Variants in POGLUT2 observed in about 807,000 individuals in gnomAD.
The protein encoded by POGLUT2 is protein O-glucosyltransferase 2.
In POGLUT2, 47 loss-of-function variants were observed where a neutral mutation model predicts 57.6. The ratio of observed to expected loss-of-function variants is 0.82; its 90% CI spans 0.65 to 1.04. The LOEUF (loss-of-function observed/expected upper bound fraction) is 1.04, where lower values mean the gene tolerates loss of function less well. POGLUT2 is among the 50% of genes least tolerant of loss of function. POGLUT2 has a pLI of 0.00. For missense variants in POGLUT2, 565 were observed against 614.8 expected (o/e 0.92, Z 0.86); for synonymous variants, 200 against 218.8 (o/e 0.91, Z 0.76).
At position 102,791,315 on chromosome 13, in the gene POGLUT2, T is replaced by C. The variant is rs141519999; in HGVS notation, c.788A>G (p.Lys263Arg). 2.0e-3 allele frequency: 3,271 copies of C among 1,610,920 alleles called. 18 individuals are homozygous for C. The highest frequency in any genetic ancestry group is 0.01 in the South Asian group (920 of 90,276). ...IFSWCGSTDS[K>R]DIVMPTYDLT... ...ATCGTACGTAGGCATCACGATATCCTTGGAATCTGTGGAGCCACACCAGGA... is the reference window on the plus strand; with the variant it reads ...ATCGTACGTAGGCATCACGATATCCCTGGAATCTGTGGAGCCACACCAGGA... Residue 263 changes from lysine (K) to arginine (R), a missense_variant, in exon 5 of 10, where the codon AAG (lysine) becomes AGG (arginine). By Grantham distance (26) the Lys-to-Arg change is conservative (BLOSUM62 2). Coordinates refer to ENST00000376004, the MANE Select transcript of POGLUT2 (RefSeq NM_024089.3).
chr13:102,795,761 G>C (rs570926435), intron 2 of POGLUT2, among the ~76,000 whole-genome samples: 26 of 152,130 alleles, frequency 1.7e-4, no homozygotes. Context: ...GTACCAGGCT[G>C]TACTGGCAGA....
intron 8 of POGLUT2, 99 bp downstream of exon 8, chr13:102,787,735 C>G (rs1019271251): frequency 1.7e-6 from 1 of 572,580 alleles, no homozygotes; most frequent in African/African-American, 1.9e-5. Flanking sequence ...ATATATCTCC[C>G]TATAGTAACA....
chr13:102,798,908 G>A lies in POGLUT2; in HGVS notation c.-238C>T. 2.1e-6 allele frequency: 1 copy of A among 474,674 alleles called. No homozygotes were observed. The allele number at this position is 474,674 out of a possible 1,614,324, so 29.4% of individuals were successfully genotyped here. A position where few individuals can be genotyped will look rare whatever the true frequency, so the allele number is the denominator to read the frequency against. On this transcript the variant is annotated 5_prime_UTR_variant, in exon 1 of 10. Transcript: ENST00000376004. Reference sequence around the variant, plus strand: ...CCTGGCGTTCTGCTGTCCCGGCCGAGAACCGCGCTGCTCCTCTCTCTCAGG... The same window carrying A: ...CCTGGCGTTCTGCTGTCCCGGCCGAAAACCGCGCTGCTCCTCTCTCTCAGG...
intron 1 of POGLUT2, among the ~76,000 whole-genome samples, chr13:102,797,780 AAGT>A (rs1878479998): frequency 6.6e-6 from 1 of 152,132 alleles, no homozygotes; most frequent in Non-Finnish European, 1.5e-5. Flanking sequence ...GGCAAAAGCA[AAGT>A]AGTAGGTAGT....
In POGLUT2 at chr13:102,796,833, T is replaced by C. The variant is rs1479675976; in HGVS notation, c.359A>G (p.His120Arg). 2 of 1,602,882 alleles carry C rather than the reference T, an allele frequency of 1.2e-6. No homozygotes were observed. Among genetic ancestry groups the C allele is most frequent in the Non-Finnish European group, 8.5e-7 (1 of 1,170,400 alleles). The part of the protein sequence containing the change: ...LKVEIKFQGQ[H>R]VAKSPYILKG... The stretch of plus-strand genomic sequence containing the variant: ...TAAAATATATGGGGATTTGGCCACA[T>C]GTTGCCCTTGGAATTTAATTTCCAC... Residue 120 changes from histidine (H) to arginine (R), a missense_variant, in exon 2 of 10, where the codon CAT (histidine) becomes CGT (arginine). Coordinates refer to ENST00000376004, the MANE Select transcript of POGLUT2 (RefSeq NM_024089.3).
chr13:102,793,503 G>C lies in POGLUT2; in HGVS notation c.595-85C>G. The C allele has an allele frequency of 2.3e-6, 3 of 1,327,668 alleles. No homozygotes were observed. The South Asian group carries it at 3.6e-5, about 16-fold the overall frequency. 82.2% of individuals were successfully genotyped at this position (1,327,668 alleles called of 1,614,324 possible). Reference sequence around the variant, plus strand: ...GAAAAGCTTGTCACAGTGCTCATTCGAATGATGTTTATAAAATGATTTAGC... The same window carrying C: ...GAAAAGCTTGTCACAGTGCTCATTCCAATGATGTTTATAAAATGATTTAGC... On this transcript the variant is annotated intron_variant, in intron 3 of 9. Transcript: ENST00000376004.
At chr13:102,791,927 C>T in intron 4 of POGLUT2, 2 of 1,123,286 alleles carry the variant, frequency 1.8e-6, no homozygotes, top group East Asian at 5.8e-5. Context: ...TTTATCTAGT[C>T]ACAGAAAATG....
chr13:102,794,665 CA>C (rs1353695795), intron 2 of POGLUT2, among the ~76,000 whole-genome samples: 4 of 151,792 alleles, frequency 2.6e-5, no homozygotes, highest in Admixed American at 6.6e-5. Flanking sequence ...ACTCTTGTTT[CA>C]AAAAATAAAA....
chr13:102,786,901 G>C (rs1380392781), intron 8 of POGLUT2, among the ~76,000 whole-genome samples: 1 of 152,130 alleles, frequency 6.6e-6, no homozygotes, highest in Non-Finnish European at 1.5e-5. Flanking sequence ...AGCCAGTACA[G>C]GCCAGAAATA....
intron 8 of POGLUT2, 141 bp from the exon 9 acceptor site, chr13:102,786,480 A>T: frequency 1.6e-6 from 1 of 611,580 alleles, no homozygotes. Context: ...CATATATACC[A>T]GTTCTGAACA....
chr13:102,798,811 G>C lies in POGLUT2; in HGVS notation c.-141C>G. On this transcript the variant is annotated 5_prime_UTR_variant, in exon 1 of 10. Transcript: ENST00000376004. Reference sequence around the variant, plus strand: ...TGCAAAGGTTGCCGCCCGGCGTGCAGGGCAGGCGCGCGGGTCTCCGCGACC... The same window carrying C: ...TGCAAAGGTTGCCGCCCGGCGTGCACGGCAGGCGCGCGGGTCTCCGCGACC... 1 of 858,024 alleles carries C rather than the reference G, an allele frequency of 1.2e-6. No individual in the cohort carries two copies. The highest frequency in any genetic ancestry group is 1.7e-6 in the Non-Finnish European group (1 of 586,968). 53.2% of individuals were successfully genotyped at this position (858,024 alleles called of 1,614,324 possible).
Position 102,786,302 on chromosome 13 carries a change from C to G in POGLUT2, c.1421G>C (p.Arg474Pro). The G allele has an allele frequency of 1.2e-6, 2 of 1,613,860 alleles. No individual in the cohort carries two copies. Among genetic ancestry groups the G allele is most frequent in the Non-Finnish European group, 1.7e-6 (2 of 1,179,772 alleles). Reference sequence around the variant, plus strand: ...TGGTTCTACCCTTTTCATGCCCTCTCGGATTTGGGGCTCACTCACTTGTAA... The same window carrying G: ...TGGTTCTACCCTTTTCATGCCCTCTGGGATTTGGGGCTCACTCACTTGTAA... ...ANLQVSEPQIREGMKRVEPQT... is the reference protein window; with the variant it reads ...ANLQVSEPQIPEGMKRVEPQT... Residue 474 changes from arginine (R) to proline (P), a missense_variant, in exon 9 of 10, where the codon CGA (arginine) becomes CCA (proline). Coordinates refer to ENST00000376004, the MANE Select transcript of POGLUT2 (RefSeq NM_024089.3).
intron 4 of POGLUT2, chr13:102,791,925 G>A (rs1294920080): frequency 9.1e-7 from 1 of 1,097,808 alleles, no homozygotes; most frequent in African/African-American, 1.6e-5. Context: ...GTTTTATCTA[G>A]TCACAGAAAA....
intron 6 of POGLUT2, among the ~76,000 whole-genome samples, chr13:102,790,229 G>C (rs1266622610): frequency 2.0e-5 from 3 of 152,132 alleles, no homozygotes; most frequent in Non-Finnish European, 2.9e-5. Flanking sequence ...AAGAAAATTT[G>C]GTCATCTACA....
rs575962766 is a variant in POGLUT2 at position 102,796,990 on chromosome 13, C to T, written c.202G>A (p.Glu68Lys). 3.5e-5 allele frequency: 57 copies of T among 1,612,506 alleles called. No homozygotes were observed. In the East Asian group the frequency reaches 5.6e-4, roughly 16 times the overall value. Residue 68 changes from glutamate (E) to lysine (K), a missense_variant, in exon 2 of 10, where the codon GAA (glutamate) becomes AAA (lysine). By Grantham distance (56) the Glu-to-Lys change is moderately conservative (BLOSUM62 1). Coordinates refer to ENST00000376004, the MANE Select transcript of POGLUT2 (RefSeq NM_024089.3). ...SGNKFTSSPG[E>K]KVFQVKVSAP... ...GAGACTTTCACCTGGAAGACCTTTT[C>T]GCCTGGAGAAGATGTGAATCTGTGA...
At chr13:102,796,220 G>A (rs370468361) in intron 2 of POGLUT2, among the ~76,000 whole-genome samples, 8 of 150,950 alleles carry the variant, frequency 5.3e-5, no homozygotes, top group South Asian at 2.1e-4. Context: ...GCTTGAACCC[G>A]GAAGGCGGAG....
At chr13:102,790,212 C>T (rs1177517271) in intron 6 of POGLUT2, among the ~76,000 whole-genome samples, 1 of 152,120 alleles carries the variant, frequency 6.6e-6, no homozygotes, top group Non-Finnish European at 1.5e-5. Flanking sequence ...TCAACAAAAC[C>T]CATCAAAAGA....
intron 8 of POGLUT2, among the ~76,000 whole-genome samples, chr13:102,787,352 C>A (rs1369859015): frequency 6.6e-6 from 1 of 152,130 alleles, no homozygotes; most frequent in Non-Finnish European, 1.5e-5. Flanking sequence ...CGGCCTACTA[C>A]CACATTTTTA....
chr13:102,793,117 G>T (rs1018726241), intron 4 of POGLUT2: 2 of 466,454 alleles, frequency 4.3e-6, no homozygotes, highest in Non-Finnish European at 7.7e-6. Flanking sequence ...AACTGCCAGA[G>T]AATACATTTC....
Sources: gnomAD v4.1 joint callset for allele counts (sites outside exome capture counted in the v4.1 genomes callset) on GRCh38, gnomAD v4.1.1 for gene constraint, MANE v1.5 for transcripts, NCBI Gene and HGNC (gene_info 2026-07-23, HGNC 2026-07-21) for gene names.